CARNMT1: variants seen among roughly 807,000 people sequenced by gnomAD.
CARNMT1 encodes the protein protein-L-histidine N-pros-methyltransferase CARNMT1.
Under a neutral mutation model 49.6 loss-of-function variants are expected in CARNMT1, and 28 were observed. That is an observed-to-expected ratio of 0.56 (90% CI 0.42 to 0.77). The LOEUF is 0.77. Among genes scored for constraint, CARNMT1 ranks in the 30% least tolerant of loss-of-function variants. The pLI is 0.00. For missense variants in CARNMT1, 421 were observed against 512.6 expected (o/e 0.82, Z 1.73); for synonymous variants, 178 against 175.0 (o/e 1.02, Z -0.13).
chr9:75,028,213 G>C lies in CARNMT1; in HGVS notation c.29C>G (p.Pro10Arg). MQRRRRPPP[P>R]TSRLPEGCGG... is the part of the protein sequence containing the mutation. ...GCAGCCCTCGGGCAGCCGGGAGGTG[G>C]GCGGCGGAGGGCGACGCCGTCGCTG... Residue 10 changes from proline (P) to arginine (R), a missense_variant, in exon 1 of 8, where the codon CCC (proline) becomes CGC (arginine). Physicochemically the swap from Pro to Arg is moderately radical, Grantham distance 103 (BLOSUM62 -2). Coordinates refer to ENST00000376834, the MANE Select transcript of CARNMT1 (RefSeq NM_152420.3). 2.1e-6 allele frequency: 3 copies of C among 1,420,028 alleles called. No individual in the cohort carries two copies. Among genetic ancestry groups the C allele is most frequent in the Admixed American group, 3.4e-5 (1 of 29,214 alleles). 88.0% of individuals were successfully genotyped at this position (1,420,028 alleles called of 1,614,324 possible).
intron 3 of CARNMT1, chr9:75,009,871 AAC>A (rs2118834209): frequency 6.6e-6 from 1 of 152,324 alleles, no homozygotes; most frequent in Admixed American, 6.5e-5. Flanking sequence ...CCTTCAAGAA[AAC>A]AGTCGCACAA....
At chr9:74,989,253 G>C (rs1420657771) in intron 6 of CARNMT1, among the ~76,000 whole-genome samples, 1 of 152,040 alleles carries the variant, frequency 6.6e-6, no homozygotes, top group Non-Finnish European at 1.5e-5. Context: ...TGGGACTACA[G>C]GCACAGGCCA....
At chr9:75,026,984 A>G (rs1421825025) in intron 1 of CARNMT1, 13 of 827,248 alleles carry the variant, frequency 1.6e-5, no homozygotes, top group South Asian at 1.6e-4. Context: ...ACTATAATAC[A>G]TAAGATGAAC....
Position 75,017,265 on chromosome 9 carries a change from T to C in CARNMT1, c.414A>G (p.Glu138=). ...AACTTTCACATACATCTTCTCCATA[T>C]TCTTTATTTTCAAACATATGTATGC... ...NDCIHMFENK[E]YGEDGNGKIM... Residue 138 remains glutamate, a synonymous_variant, in exon 2 of 8, where the codon GAA becomes GAG. Transcript: ENST00000376834. 6.2e-7 allele frequency: 1 copy of C among 1,611,068 alleles called. No homozygotes were observed. The highest frequency in any genetic ancestry group is 8.5e-7 in the Non-Finnish European group (1 of 1,177,626).
At chr9:75,017,890 C>T (rs561298067) in intron 1 of CARNMT1, among the ~76,000 whole-genome samples, 16 of 151,806 alleles carry the variant, frequency 1.1e-4, no homozygotes, top group Non-Finnish European at 2.4e-4. Flanking sequence ...TTTTAAATAT[C>T]ATAGAAGATC....
chr9:74,999,638 ACTTAT>A (rs1833296956), intron 4 of CARNMT1, 87 bp downstream of exon 4: 2 of 1,090,588 alleles, frequency 1.8e-6, no homozygotes, highest in Non-Finnish European at 2.6e-6. Context: ...AATGCTATGT[ACTTAT>A]CTTCAAATTC....
intron 1 of CARNMT1, among the ~76,000 whole-genome samples, chr9:75,020,099 G>A (rs1822299949): frequency 6.6e-6 from 1 of 152,166 alleles, no homozygotes; most frequent in Admixed American, 6.5e-5. Flanking sequence ...GAGGGTGAAA[G>A]AGACAGGATA....
intron 3 of CARNMT1, among the ~76,000 whole-genome samples, chr9:75,004,677 TTTATC>T (rs1424284521): frequency 3.9e-5 from 6 of 152,332 alleles, no homozygotes; most frequent in African/African-American, 1.4e-4. Context: ...CATTATTTAT[TTTATC>T]TTAAGTGGAA....
In CARNMT1 at chr9:74,983,071, A is replaced by G. The variant is rs1832727257; in HGVS notation, c.*696T>C. The stretch of plus-strand genomic sequence containing the variant: ...AGCCAGAAAATACAAAATTAAATTA[A>G]TCTGAATGATAAAATAGACACAGGC... On this transcript the variant is annotated 3_prime_UTR_variant, in exon 8 of 8. Coordinates refer to ENST00000376834, the MANE Select transcript of CARNMT1 (RefSeq NM_152420.3). The G allele has an allele frequency of 6.6e-6, 1 of 152,126 alleles. No individual in the cohort carries two copies. The highest frequency in any genetic ancestry group is 1.5e-5 in the Non-Finnish European group (1 of 68,034). The allele number at this position is 152,126 out of a possible 1,614,324, so 9.4% of individuals were successfully genotyped here.
intron 1 of CARNMT1, 146 bp from the exon 2 acceptor site, chr9:75,017,594 A>G (rs1488123023): frequency 3.0e-6 from 2 of 671,660 alleles, no homozygotes; most frequent in Non-Finnish European, 4.9e-6. Context: ...TTAAAAAGGC[A>G]TTAACTTATA....
At chr9:75,004,758 G>A (rs1333077431) in intron 3 of CARNMT1, among the ~76,000 whole-genome samples, 1 of 152,068 alleles carries the variant, frequency 6.6e-6, no homozygotes, top group East Asian at 1.9e-4. Context: ...AAGAAAAAAC[G>A]AATTCAACCA....
intron 5 of CARNMT1, among the ~76,000 whole-genome samples, chr9:74,996,818 AT>A (rs1161743429): frequency 3.3e-5 from 5 of 152,144 alleles, no homozygotes; most frequent in Non-Finnish European, 7.4e-5. Context: ...ATCTCTACAT[AT>A]TATTACCAAA....
upstream of CARNMT1, chr9:75,028,304 C>T (rs1247221725): frequency 1.1e-5 from 15 of 1,331,548 alleles, no homozygotes; most frequent in Non-Finnish European, 1.4e-5. Context: ...GTGGTGGCGG[C>T]TGCTTGGCCT....
chr9:75,027,327 T>G (rs1822560328), intron 1 of CARNMT1: 1 of 793,358 alleles, frequency 1.3e-6, no homozygotes. Context: ...GATACAGATT[T>G]GCAGAAAAAA....
Position 74,983,121 on chromosome 9 carries a change from G to C in CARNMT1, c.*646C>G, listed in dbSNP as rs964089563. 6.6e-6 allele frequency: 1 copy of C among 151,994 alleles called. No individual in the cohort carries two copies. Among genetic ancestry groups the C allele is most frequent in the Non-Finnish European group, 1.5e-5 (1 of 68,006 alleles). 9.4% of individuals were successfully genotyped at this position (151,994 alleles called of 1,614,324 possible). A position where few individuals can be genotyped will look rare whatever the true frequency, so the allele number is the denominator to read the frequency against. ...CCAGGCGCGGTGGTACATGCCTACA[G>C]TCCTAGCTACTCAGGAGGCTAAGGC... On this transcript the variant is annotated 3_prime_UTR_variant, in exon 8 of 8. Transcript: ENST00000376834.
chr9:75,001,226 A>C (rs1833343509), intron 3 of CARNMT1, among the ~76,000 whole-genome samples: 1 of 152,320 alleles, frequency 6.6e-6, no homozygotes, highest in South Asian at 2.1e-4. Flanking sequence ...AATAACCAGC[A>C]ATCAATTTCC....
chr9:74,999,201 C>G (rs1833286383), intron 4 of CARNMT1, among the ~76,000 whole-genome samples: 1 of 152,030 alleles, frequency 6.6e-6, no homozygotes, highest in Non-Finnish European at 1.5e-5. Context: ...ATTATTTAAA[C>G]AAGGCAGCTA....
At chr9:75,019,839 G>T (rs866267933) in intron 1 of CARNMT1, among the ~76,000 whole-genome samples, 1 of 152,152 alleles carries the variant, frequency 6.6e-6, no homozygotes, top group South Asian at 2.1e-4. Flanking sequence ...GTTTGAGATC[G>T]TGTAACCACA....
chr9:75,010,802 G>GGGTGGGGAGAATGGTGGGGAGAAT (rs138365989), intron 3 of CARNMT1, among the ~76,000 whole-genome samples: 9 of 149,132 alleles, frequency 6.0e-5, no homozygotes, highest in Admixed American at 4.7e-4. Flanking sequence ...GGTAGAGGCA[G>GGGTGGGGAGAATGGTGGGGAGAAT]GGTGGGGAGA....
Sources: gnomAD v4.1 joint callset for allele counts (sites outside exome capture counted in the v4.1 genomes callset) on GRCh38, gnomAD v4.1.1 for gene constraint, MANE v1.5 for transcripts, NCBI Gene and HGNC (gene_info 2026-07-23, HGNC 2026-07-21) for gene names.